The following IDO1 variants were observed in gnomAD, a reference collection of about 807,000 sequenced individuals.
The protein encoded by IDO1 is indoleamine 2,3-dioxygenase 1.
Under a neutral mutation model 38.8 loss-of-function variants are expected in IDO1, and 35 were observed. That is an observed-to-expected ratio of 0.90 (90% CI 0.69 to 1.20). The LOEUF is 1.20. IDO1 is among the 50% of genes most tolerant of loss of function. The pLI, the probability that IDO1 is intolerant of heterozygous loss-of-function variation, is 0.00. For synonymous variants in IDO1, 171 were observed against 170.0 expected, an observed-to-expected ratio of 1.01 and a Z score of -0.05; for missense variants, 509 against 485.1, an observed-to-expected ratio of 1.05 and a Z score of -0.46.
chr8:39,923,345 AG>A, intron 6 of IDO1, 123 bp from the exon 7 acceptor site: 1 of 566,368 alleles, frequency 1.8e-6, no homozygotes, highest in Non-Finnish European at 3.1e-6. Context: ...CAGAGCTTGC[AG>A]TGAGCTGAGA....
At chr8:39,926,919 C>T (rs1807369085) in intron 9 of IDO1, among the ~76,000 whole-genome samples, 1 of 152,152 alleles carries the variant, frequency 6.6e-6, no homozygotes, top group African/African-American at 2.4e-5. Flanking sequence ...ATTTAACTCC[C>T]ACTTATCGGT....
intron 8 of IDO1, among the ~76,000 whole-genome samples, 184 bp from the exon 9 acceptor site, chr8:39,925,039 T>C (rs972253366): frequency 3.3e-5 from 5 of 152,182 alleles, no homozygotes; most frequent in Non-Finnish European, 7.3e-5. Context: ...CCAAATCTGC[T>C]CAGGATTATA....
intron 9 of IDO1, among the ~76,000 whole-genome samples, chr8:39,926,777 T>A (rs925890986): frequency 2.0e-5 from 3 of 152,166 alleles, no homozygotes; most frequent in Non-Finnish European, 4.4e-5. Flanking sequence ...CTTCTAATGA[T>A]CCCCTCACCC....
At chr8:39,923,420 A>T in intron 6 of IDO1, 49 bp from the exon 7 acceptor site, 1 of 1,100,690 alleles carries the variant, frequency 9.1e-7, no homozygotes, top group Non-Finnish European at 1.3e-6. Context: ...AAAAAAAAAA[A>T]AGAAAGAAAG....
Position 39,928,241 on chromosome 8 carries a change from T to C in IDO1, c.*56T>C. 8.1e-7 allele frequency: 1 copy of C among 1,234,338 alleles called. No individual in the cohort carries two copies. Among genetic ancestry groups the C allele is most frequent in the Non-Finnish European group, 1.1e-6 (1 of 878,434 alleles). The allele number at this position is 1,234,338 out of a possible 1,614,324, so 76.5% of individuals were successfully genotyped here. A position where few individuals can be genotyped will look rare whatever the true frequency, so the allele number is the denominator to read the frequency against. The stretch of plus-strand genomic sequence containing the variant: ...GCAGAGACATCTGTATGCATTCCTG[T>C]CATTACCCATTGTAACAGAGCCACA... On this transcript the variant is annotated 3_prime_UTR_variant, in exon 10 of 10. Transcript: ENST00000518237.
chr8:39,923,500 TGCAAGAACGGGACACTTTGCTAAAG>T lies in IDO1; in HGVS notation c.572_596del (p.Gln191ArgfsTer5). Reference sequence around the variant, plus strand: ...CCTACTGTATTCAAGGCAATGCAAATGCAAGAACGGGACACTTTGCTAAAGGCGCTGTTGGAAATAGCTTCTTGCT... The same window carrying T: ...CCTACTGTATTCAAGGCAATGCAAATGCGCTGTTGGAAATAGCTTCTTGCT... On this transcript the variant is annotated frameshift_variant, in exon 7 of 10. Transcript: ENST00000518237. LOFTEE classifies it high-confidence loss of function. 1 of 1,612,174 alleles carries T rather than the reference TGCAAGAACGGGACACTTTGCTAAAG, an allele frequency of 6.2e-7. No homozygotes were observed. Among genetic ancestry groups the T allele is most frequent in the Non-Finnish European group, 8.5e-7 (1 of 1,178,290 alleles).
intron 5 of IDO1, among the ~76,000 whole-genome samples, chr8:39,921,624 G>C (rs1186995118): frequency 6.6e-6 from 1 of 152,114 alleles, no homozygotes; most frequent in Non-Finnish European, 1.5e-5. Flanking sequence ...GTCATATCTT[G>C]CTCAAGGTCA....
intron 9 of IDO1, 93 bp from the exon 10 acceptor site, chr8:39,927,737 G>T: frequency 1.5e-6 from 1 of 679,610 alleles, no homozygotes. Flanking sequence ...CTATATTGGT[G>T]ATCTCCTGCC....
In IDO1 at chr8:39,928,084, C is replaced by G; in HGVS notation, c.1111C>G (p.Pro371Ala). 1 of 1,613,152 alleles carries G rather than the reference C, an allele frequency of 6.2e-7. No individual in the cohort carries two copies. Among genetic ancestry groups the G allele is most frequent in the Non-Finnish European group, 8.5e-7 (1 of 1,179,574 alleles). Residue 371 changes from proline to alanine, a missense_variant, in exon 10 of 10, where the codon CCT (proline) becomes GCT (alanine). Physicochemically the swap from Pro to Ala is conservative, Grantham distance 27. Transcript: ENST00000518237. ...QPKENKTSED[P>A]SKLEAKGTGG... ...AAAGGAGAATAAGACCTCTGAAGAC[C>G]CTTCAAAACTGGAAGCCAAAGGAAC... is the stretch of plus-strand genomic sequence containing the variant.
Position 39,920,084 on chromosome 8 carries a change from T to C in IDO1, c.423-16T>C. 3 of 1,610,736 alleles carry C rather than the reference T, an allele frequency of 1.9e-6. No homozygotes were observed. Among genetic ancestry groups the C allele is most frequent in the Non-Finnish European group, 2.5e-6 (3 of 1,177,556 alleles). ...CTCTTCCAATTGGTCCATTGCTTCA[T>C]GGCTGCTTTCATAAGGCCCCTGACT... On this transcript the variant is annotated splice_polypyrimidine_tract_variant and intron_variant, in intron 4 of 9. Transcript: ENST00000518237.
chr8:39,924,589 T>G, intron 7 of IDO1, 132 bp from the exon 8 acceptor site: 1 of 619,618 alleles, frequency 1.6e-6, no homozygotes, highest in Non-Finnish European at 2.9e-6. Flanking sequence ...GCAGGGGCTT[T>G]GTTTAGCATA....
intron 1 of IDO1, among the ~76,000 whole-genome samples, chr8:39,917,450 T>C (rs955969254): frequency 2.0e-5 from 3 of 152,120 alleles, no homozygotes; most frequent in Non-Finnish European, 4.4e-5. Context: ...GAGCCAAGAT[T>C]GCGCCACTGC....
chr8:39,915,702 C>G (rs1281083732), intron 1 of IDO1: 1 of 152,164 alleles, frequency 6.6e-6, no homozygotes, highest in Non-Finnish European at 1.5e-5. Flanking sequence ...ATAAAACCAT[C>G]TTTTTCAGAA....
intron 8 of IDO1, 128 bp from the exon 9 acceptor site, chr8:39,925,095 A>C: frequency 2.4e-6 from 2 of 845,738 alleles, no homozygotes; most frequent in Non-Finnish European, 1.8e-6. Context: ...GCAAGGGGGT[A>C]TGAAAAAAGG....
intron 3 of IDO1, 168 bp downstream of exon 3, chr8:39,918,375 T>A: frequency 1.6e-6 from 1 of 614,640 alleles, no homozygotes; most frequent in South Asian, 2.3e-5. Context: ...TCCACTGTTA[T>A]CATTATTATA....
At chr8:39,927,737 G>A in intron 9 of IDO1, 93 bp from the exon 10 acceptor site, 6 of 679,610 alleles carry the variant, frequency 8.8e-6, no homozygotes, top group Non-Finnish European at 1.4e-5. Flanking sequence ...CTATATTGGT[G>A]ATCTCCTGCC....
intron 4 of IDO1, 48 bp downstream of exon 4, chr8:39,918,981 T>A: frequency 1.8e-6 from 2 of 1,105,584 alleles, no homozygotes; most frequent in Non-Finnish European, 2.8e-6. Flanking sequence ...GTGTGCCGAT[T>A]AAATAAAACA....
At position 39,918,845 on chromosome 8, in the gene IDO1, T is replaced by C; in HGVS notation, c.334T>C (p.Cys112Arg). The change falls in exon 4 of 10, where the codon TGC (cysteine) becomes CGC (arginine). Residue 112 changes from cysteine to arginine, a missense_variant. Cys to Arg is a radical substitution (Grantham distance 180). Coordinates refer to ENST00000518237, the MANE Select transcript of IDO1 (RefSeq NM_002164.6). Reference sequence around the variant, plus strand: ...GCCAAGAAATATTGCTGTTCCTTACTGCCAACTCTCCAAGAAACTGGAACT... The same window carrying C: ...GCCAAGAAATATTGCTGTTCCTTACCGCCAACTCTCCAAGAAACTGGAACT... ...VLPRNIAVPY[C>R]QLSKKLELPP... 6.2e-7 allele frequency: 1 copy of C among 1,612,338 alleles called. No homozygotes were observed. Among genetic ancestry groups the C allele is most frequent in the Non-Finnish European group, 8.5e-7 (1 of 1,178,674 alleles).
chr8:39,919,762 C>T (rs1040751121), intron 4 of IDO1, among the ~76,000 whole-genome samples: 7 of 152,124 alleles, frequency 4.6e-5, no homozygotes, highest in African/African-American at 1.4e-4. Flanking sequence ...ATCACTTCAG[C>T]CCAAGAAGTT....
Sources: allele counts gnomAD v4.1 joint callset (sites outside exome capture counted in the v4.1 genomes callset), GRCh38; gene constraint gnomAD v4.1.1; transcripts MANE v1.5; gene names NCBI Gene and HGNC (gene_info 2026-07-23, HGNC 2026-07-21).